SLC24A3: variants seen among roughly 807,000 people sequenced by gnomAD.
SLC24A3 encodes solute carrier family 24 member 3, also known as sodium/potassium/calcium exchanger 3.
SLC24A3 carries 28 observed loss-of-function variants against 75.8 expected under a neutral mutation model. The observed-to-expected ratio is 0.37, with a 90% CI of 0.27 to 0.51. The LOEUF (loss-of-function observed/expected upper bound fraction) is 0.51. SLC24A3 is among the 20% of genes least tolerant of loss of function. The pLI is 0.94. For missense variants in SLC24A3, 663 were observed against 847.8 expected, an observed-to-expected ratio of 0.78 and a Z score of 2.71; for synonymous variants, 372 against 334.1, an observed-to-expected ratio of 1.11 and a Z score of -1.24.
intron 1 of SLC24A3, among the ~76,000 whole-genome samples, chr20:19,272,031 G>A (rs960466920): frequency 2.6e-5 from 4 of 152,258 alleles, no homozygotes; most frequent in African/African-American, 9.6e-5. Flanking sequence ...GCGTATTCAG[G>A]TGGCCACTCC....
At chr20:19,412,095 C>G (rs1343549389) in intron 2 of SLC24A3, among the ~76,000 whole-genome samples, 1 of 152,134 alleles carries the variant, frequency 6.6e-6, no homozygotes, top group Non-Finnish European at 1.5e-5. Context: ...ATTGAGTATA[C>G]CACTAGGCAA....
Position 19,396,952 on chromosome 20 carries a change from G to A in SLC24A3, c.271+115865G>A, listed in dbSNP as rs770392333. On this transcript the variant is annotated intron_variant, in intron 2 of 16. Coordinates refer to ENST00000328041, the MANE Select transcript of SLC24A3 (RefSeq NM_020689.4). ...ATTCTGCTTCAGGATATGTACCCAC[G>A]GCCTGTGTTAGTATAGGTGGAATTG... Among the ~76,000 whole-genome samples, 14 of 152,102 alleles carry A rather than the reference G, an allele frequency of 9.2e-5. No individual in the cohort carries two copies. The East Asian group carries it at 9.6e-4, about 10-fold the overall frequency.
At chr20:19,510,405 A>C (rs1305511437) in intron 2 of SLC24A3, among the ~76,000 whole-genome samples, 1 of 152,130 alleles carries the variant, frequency 6.6e-6, no homozygotes, top group Non-Finnish European at 1.5e-5. Context: ...TGCTGAAGCT[A>C]ATTATGTGTG....
At chr20:19,520,043 C>T (rs1003660478) in intron 3 of SLC24A3, among the ~76,000 whole-genome samples, 1 of 152,118 alleles carries the variant, frequency 6.6e-6, no homozygotes, top group Non-Finnish European at 1.5e-5. Context: ...AATGTAATTC[C>T]TGTCTTCTGG....
intron 6 of SLC24A3, among the ~76,000 whole-genome samples, chr20:19,606,374 G>A (rs2031597807): frequency 6.6e-6 from 1 of 152,222 alleles, no homozygotes; most frequent in Non-Finnish European, 1.5e-5. Context: ...AGTGCCCATA[G>A]AGATAATAGC....
intron 6 of SLC24A3, among the ~76,000 whole-genome samples, chr20:19,653,540 G>A (rs2032231346): frequency 6.6e-6 from 1 of 152,220 alleles, no homozygotes; most frequent in African/African-American, 2.4e-5. Flanking sequence ...CTCACTCCAC[G>A]GGGCAAGACA....
intron 1 of SLC24A3, among the ~76,000 whole-genome samples, chr20:19,279,998 G>A (rs1022904561): frequency 6.6e-6 from 1 of 152,226 alleles, no homozygotes; most frequent in East Asian, 1.9e-4. Context: ...TCTGGGTCAA[G>A]GAGAAATGCT....
chr20:19,291,468 G>A (rs1219015383), intron 2 of SLC24A3, among the ~76,000 whole-genome samples: 2 of 152,202 alleles, frequency 1.3e-5, no homozygotes, highest in East Asian at 3.9e-4. Flanking sequence ...GTGCCCTGGA[G>A]TAGGTTCCAC....
In SLC24A3 at chr20:19,432,272, T is replaced by TTA. The variant is rs3057540; in HGVS notation, c.272-83197_272-83196dup. On this transcript the variant is annotated intron_variant, in intron 2 of 16. Coordinates refer to ENST00000328041, the MANE Select transcript of SLC24A3 (RefSeq NM_020689.4). ...TCAAACAGATTTATATATATCTGTT[T>TTA]TATATATATATATATATATAAGATT... is the stretch of plus-strand genomic sequence containing the variant. Among the ~76,000 whole-genome samples the TTA allele has an allele frequency of 5.5e-3, 796 of 145,288 alleles. 2 individuals carry two copies. The highest frequency in any genetic ancestry group is 6.8e-3 in the Non-Finnish European group (453 of 66,236).
rs151220935 is a variant in SLC24A3, at chr20:19,664,040, C to A, written c.688-1824C>A. 3.6e-3 allele frequency among the ~76,000 whole-genome samples: 542 copies of A among 152,268 alleles called. 1 individual carries two copies. Among genetic ancestry groups the A allele is most frequent in the African/African-American group, 0.013 (525 of 41,544 alleles). ...CATATTCTATGTTATTGCCTGCCTT[C>A]CCTGATAGAAGAAAATTAAATTGGC... On this transcript the variant is annotated intron_variant, in intron 7 of 16. Coordinates refer to ENST00000328041, the MANE Select transcript of SLC24A3 (RefSeq NM_020689.4).
chr20:19,593,110 A>G (rs1198057853), intron 6 of SLC24A3, among the ~76,000 whole-genome samples: 1 of 152,160 alleles, frequency 6.6e-6, no homozygotes, highest in Admixed American at 6.5e-5. Context: ...AAGACTTTCA[A>G]TGTACAAGTT....
Position 19,266,386 on chromosome 20 carries a change from A to G in SLC24A3, c.143-14573A>G, listed in dbSNP as rs560127042. On this transcript the variant is annotated intron_variant, in intron 1 of 16. Transcript: ENST00000328041. The stretch of plus-strand genomic sequence containing the variant: ...GGTGTTCCAGTCAGGATTGTGGAGA[A>G]GAAACCACTGTATTTCTTTTCCCTC... Among the ~76,000 whole-genome samples the G allele has an allele frequency of 2.0e-5, 3 of 152,328 alleles. No homozygotes were observed. In the East Asian group the frequency reaches 5.8e-4, roughly 29 times the overall value.
intron 1 of SLC24A3, among the ~76,000 whole-genome samples, chr20:19,266,959 C>T (rs541803551): frequency 6.6e-6 from 1 of 152,146 alleles, no homozygotes; most frequent in African/African-American, 2.4e-5. Flanking sequence ...AAAGTGGTCT[C>T]AATATTACAT....
At chr20:19,360,807 T>C (rs1167114306) in intron 2 of SLC24A3, among the ~76,000 whole-genome samples, 3 of 151,536 alleles carry the variant, frequency 2.0e-5, no homozygotes, top group Non-Finnish European at 4.4e-5. Context: ...CAAAACCCTA[T>C]TGAAGTACTA....
At chr20:19,363,487 A>G (rs1348698228) in intron 2 of SLC24A3, among the ~76,000 whole-genome samples, 13 of 152,230 alleles carry the variant, frequency 8.5e-5, no homozygotes, top group Admixed American at 7.8e-4. Flanking sequence ...ACACATATCC[A>G]TTGGAAAATC....
Position 19,598,905 on chromosome 20 carries a change from T to TAC in SLC24A3, c.612+13376_612+13377dup, listed in dbSNP as rs113937880. Reference sequence around the variant, plus strand: ...AAATTTAAATATATATATATGTATATACACACACACACACACGCACACACA... The same window carrying TAC: ...AAATTTAAATATATATATATGTATATACACACACACACACACACGCACACACA... On this transcript the variant is annotated intron_variant, in intron 6 of 16. Coordinates refer to ENST00000328041, the MANE Select transcript of SLC24A3 (RefSeq NM_020689.4). Among the ~76,000 whole-genome samples the TAC allele has an allele frequency of 7.3e-4, 109 of 149,566 alleles. No individual in the cohort carries two copies. The Middle Eastern group carries it at 0.01, about 14-fold the overall frequency.
At chr20:19,374,605 A>G (rs1986048951) in intron 2 of SLC24A3, among the ~76,000 whole-genome samples, 1 of 152,190 alleles carries the variant, frequency 6.6e-6, no homozygotes. Flanking sequence ...CTTTCACAGC[A>G]TTACCTGACT....
intron 6 of SLC24A3, among the ~76,000 whole-genome samples, chr20:19,637,419 C>A (rs997752557): frequency 6.6e-6 from 1 of 152,186 alleles, no homozygotes; most frequent in African/African-American, 2.4e-5. Context: ...ACTTGAGAGA[C>A]ATACGGAATA....
At chr20:19,256,090 C>A (rs1982805641) in intron 1 of SLC24A3, among the ~76,000 whole-genome samples, 1 of 150,400 alleles carries the variant, frequency 6.6e-6, no homozygotes, top group Admixed American at 6.6e-5. Flanking sequence ...TCGAACGAGA[C>A]CCTGTCTCTA....
Sources: allele counts gnomAD v4.1 joint callset (sites outside exome capture counted in the v4.1 genomes callset), GRCh38; gene constraint gnomAD v4.1.1; transcripts MANE v1.5; gene names NCBI Gene and HGNC (gene_info 2026-07-23, HGNC 2026-07-21).